The following KCNQ5 variants were observed in gnomAD, a reference collection of about 807,000 sequenced individuals.
KCNQ5 encodes potassium voltage-gated channel subfamily Q member 5, also known as potassium voltage-gated channel subfamily KQT member 5.
Under a neutral mutation model 98.2 loss-of-function variants are expected in KCNQ5, and 30 were observed. The observed-to-expected ratio is 0.31, with a 90% CI of 0.23 to 0.41. The LOEUF (loss-of-function observed/expected upper bound fraction) is 0.41. Among genes scored for constraint, KCNQ5 ranks in the 10% least tolerant of loss-of-function variants. The pLI, the probability that KCNQ5 is intolerant of heterozygous loss-of-function variation, is 1.00. For missense variants in KCNQ5, 835 were observed against 1,182.5 expected, an observed-to-expected ratio of 0.71 and a Z score of 4.31; for synonymous variants, 458 against 449.4, an observed-to-expected ratio of 1.02 and a Z score of -0.24.
chr6:72,655,530 G>T (rs890108145), intron 1 of KCNQ5, among the ~76,000 whole-genome samples: 3 of 152,102 alleles, frequency 2.0e-5, no homozygotes, highest in African/African-American at 7.2e-5. Flanking sequence ...AGTAAGAAAT[G>T]AGAGTAATGC....
chr6:72,937,550 G>A (rs116022686), intron 1 of KCNQ5, among the ~76,000 whole-genome samples: 237 of 152,182 alleles, frequency 1.6e-3, no homozygotes, highest in African/African-American at 5.6e-3. Flanking sequence ...TCTTCTATAA[G>A]CCTTTTAATA....
At chr6:72,842,426 C>T (rs1054817352) in intron 1 of KCNQ5, among the ~76,000 whole-genome samples, 1 of 152,164 alleles carries the variant, frequency 6.6e-6, no homozygotes, top group Non-Finnish European at 1.5e-5. Context: ...ATTGGCCAGA[C>T]AATTTGTAAA....
At chr6:72,892,245 T>G (rs540253626) in intron 1 of KCNQ5, among the ~76,000 whole-genome samples, 8 of 152,292 alleles carry the variant, frequency 5.3e-5, no homozygotes, top group Admixed American at 3.9e-4. Context: ...CTCATCTCCA[T>G]CAGCAGCATC....
chr6:72,997,174 C>G (rs1404114339), intron 1 of KCNQ5, among the ~76,000 whole-genome samples: 1 of 152,066 alleles, frequency 6.6e-6, no homozygotes, highest in East Asian at 1.9e-4. Context: ...AAAAATAATC[C>G]CTGTCCTCAA....
chr6:72,777,094 G>A (rs995276820), intron 1 of KCNQ5, among the ~76,000 whole-genome samples: 1 of 152,226 alleles, frequency 6.6e-6, no homozygotes, highest in Non-Finnish European at 1.5e-5. Flanking sequence ...TAAGCAGGGA[G>A]CTGAGATGGA....
At chr6:73,075,463 C>A (rs189336701) in intron 3 of KCNQ5, among the ~76,000 whole-genome samples, 1 of 152,120 alleles carries the variant, frequency 6.6e-6, no homozygotes. Context: ...CCTCATGATC[C>A]GCCCACCTTG....
chr6:72,658,559 G>GATATATATATATATAT (rs1189137122), intron 1 of KCNQ5, among the ~76,000 whole-genome samples: 16 of 88,428 alleles, frequency 1.8e-4, no homozygotes, highest in African/African-American at 8.1e-4. Context: ...GGGATTAAAG[G>GATATATATATATATAT]ATATATATAT....
At chr6:73,057,479 T>TAAAA (rs944727824) in intron 3 of KCNQ5, among the ~76,000 whole-genome samples, 1 of 151,472 alleles carries the variant, frequency 6.6e-6, no homozygotes, top group East Asian at 1.9e-4. Flanking sequence ...TAAAGTATAG[T>TAAAA]AAAAAAATAA....
At chr6:73,131,581 T>C (rs1261346347) in intron 9 of KCNQ5, among the ~76,000 whole-genome samples, 1 of 112,758 alleles carries the variant, frequency 8.9e-6, no homozygotes, top group Non-Finnish European at 1.8e-5. Flanking sequence ...AAAAAGAGAT[T>C]TGAAACTTTT....
intron 1 of KCNQ5, among the ~76,000 whole-genome samples, chr6:72,718,517 C>T (rs1769772306): frequency 8.0e-6 from 1 of 125,534 alleles, no homozygotes; most frequent in African/African-American, 3.0e-5. Context: ...GTAGTGTGAT[C>T]TCCACTTACT....
intron 1 of KCNQ5, among the ~76,000 whole-genome samples, chr6:72,842,473 C>T (rs1011328678): frequency 1.3e-5 from 2 of 152,114 alleles, no homozygotes; most frequent in African/African-American, 4.8e-5. Context: ...GAAGAAGAAC[C>T]TGATTCTCAG....
rs1777686920 is a variant in KCNQ5, at chr6:72,859,759, T to C, written c.399-144149T>C. On this transcript the variant is annotated intron_variant, in intron 1 of 13. Coordinates refer to ENST00000370398, the MANE Select transcript of KCNQ5 (RefSeq NM_019842.4). ...ACCACTCCGGGATAATTTTTTCATG[T>C]GTGTATTTTTAGTAGAGACAGGGTT... is the stretch of plus-strand genomic sequence containing the variant. 6.6e-5 allele frequency among the ~76,000 whole-genome samples: 10 copies of C among 152,034 alleles called. No homozygotes were observed. The South Asian group carries it at 2.1e-3, about 32-fold the overall frequency.
intron 1 of KCNQ5, chr6:72,986,324 A>G (rs1045076880): frequency 5.8e-6 from 2 of 344,628 alleles, no homozygotes; most frequent in Non-Finnish European, 1.1e-5. Flanking sequence ...GCAGGCTCTC[A>G]TGTGGAGGTG....
intron 2 of KCNQ5, among the ~76,000 whole-genome samples, chr6:73,011,507 A>G (rs892329384): frequency 2.0e-5 from 3 of 152,154 alleles, no homozygotes; most frequent in Non-Finnish European, 2.9e-5. Context: ...ACCTAAAACT[A>G]TAACATTGTT....
At chr6:73,006,911 G>A (rs1205917273) in intron 2 of KCNQ5, among the ~76,000 whole-genome samples, 1 of 152,054 alleles carries the variant, frequency 6.6e-6, no homozygotes, top group African/African-American at 2.4e-5. Context: ...TTGTGACAGG[G>A]AGCACACTAC....
rs1778054557 is a variant in KCNQ5, at chr6:72,867,948, A to ACT, written c.399-135960_399-135959insCT. Among the ~76,000 whole-genome samples, 9 of 146,130 alleles carry ACT rather than the reference A, an allele frequency of 6.2e-5. No individual in the cohort carries two copies. The South Asian group carries it at 1.3e-3, about 21-fold the overall frequency. ...CTCTAAAAATAATACTAATAATACTAATACTACTACTACTACTACTACTAA... is the reference window on the plus strand; with the variant it reads ...CTCTAAAAATAATACTAATAATACTACTATACTACTACTACTACTACTACTAA... On this transcript the variant is annotated intron_variant, in intron 1 of 13. Coordinates refer to ENST00000370398, the MANE Select transcript of KCNQ5 (RefSeq NM_019842.4).
chr6:73,007,915 T>A (rs1387881918), intron 2 of KCNQ5, among the ~76,000 whole-genome samples: 1 of 152,144 alleles, frequency 6.6e-6, no homozygotes, highest in Non-Finnish European at 1.5e-5. Flanking sequence ...TTTTTCCTTT[T>A]TTGGAATACA....
rs188899662 is a variant in KCNQ5 at position 72,750,561 on chromosome 6, T to C, written c.398+127974T>C. On this transcript the variant is annotated intron_variant, in intron 1 of 13. Coordinates refer to ENST00000370398, the MANE Select transcript of KCNQ5 (RefSeq NM_019842.4). ...GATCTTTTAAAAAGACAGTTGATTT[T>C]TCACATGGCCACTGTATGATGCTTT... Among the ~76,000 whole-genome samples the C allele has an allele frequency of 7.2e-5, 11 of 152,192 alleles. No individual in the cohort carries two copies. The East Asian group carries it at 1.5e-3, about 21-fold the overall frequency.
chr6:72,716,531 T>C (rs1333857593), intron 1 of KCNQ5, among the ~76,000 whole-genome samples: 1 of 152,250 alleles, frequency 6.6e-6, no homozygotes, highest in Non-Finnish European at 1.5e-5. Context: ...TCATGGCCTT[T>C]AATTGTTTCA....
Sources: gnomAD v4.1 joint callset for allele counts (sites outside exome capture counted in the v4.1 genomes callset) on GRCh38, gnomAD v4.1.1 for gene constraint, MANE v1.5 for transcripts, NCBI Gene and HGNC (gene_info 2026-07-23, HGNC 2026-07-21) for gene names.